Variants in IL7R observed in about 807,000 individuals in gnomAD.
The protein encoded by IL7R is interleukin-7 receptor subunit alpha.
Under a neutral mutation model 47.0 loss-of-function variants are expected in IL7R, and 38 were observed. That is an observed-to-expected ratio of 0.81 (90% confidence interval 0.62 to 1.06). IL7R has a LOEUF of 1.06. IL7R is among the 50% of genes least tolerant of loss of function. The pLI, the probability that IL7R is intolerant of heterozygous loss-of-function variation, is 0.00. For missense variants in IL7R, 633 were observed against 534.8 expected (o/e 1.18, Z -1.81); for synonymous variants, 221 against 199.8 (o/e 1.11, Z -0.89).
intron 2 of IL7R, among the ~76,000 whole-genome samples, chr5:35,863,252 T>C (rs1031036719): frequency 3.3e-5 from 5 of 152,160 alleles, no homozygotes; most frequent in African/African-American, 1.2e-4. Context: ...AACTTAACAT[T>C]TCTTCACCAA....
Position 35,876,608 on chromosome 5 carries a change from G to C in IL7R, c.*122G>C, listed in dbSNP as rs1760224661. The C allele has an allele frequency of 9.9e-7, 1 of 1,008,974 alleles. No homozygotes were observed. The highest frequency in any genetic ancestry group is 1.9e-5 in the Admixed American group (1 of 51,596). The allele number at this position is 1,008,974 out of a possible 1,614,324, so 62.5% of individuals were successfully genotyped here. ...AAAATTAGCAAAACCCCACTACACA[G>C]TCTGCAAGATTCTGAAACATTGCTT... On this transcript the variant is annotated 3_prime_UTR_variant, in exon 8 of 8. Coordinates refer to ENST00000303115, the MANE Select transcript of IL7R (RefSeq NM_002185.5).
chr5:35,870,957 A>G (rs553826642), intron 3 of IL7R, 99 bp from the exon 4 acceptor site: 3 of 1,081,182 alleles, frequency 2.8e-6, no homozygotes, highest in African/African-American at 1.6e-5. Flanking sequence ...TACTGACACA[A>G]AAAGGGTCAA....
chr5:35,869,063 G>A (rs753910735), intron 3 of IL7R, among the ~76,000 whole-genome samples: 3 of 152,154 alleles, frequency 2.0e-5, no homozygotes, highest in Non-Finnish European at 2.9e-5. Flanking sequence ...AAGAGAGGTG[G>A]TGGAGGCATG....
Position 35,873,585 on chromosome 5 carries a change from G to T in IL7R, c.643G>T (p.Gly215Cys). ...ATCCATCCCTGATCACTATTTTAAAGGCTTCTGGAGTGAATGGAGTCCAAG... is the reference window on the plus strand; with the variant it reads ...ATCCATCCCTGATCACTATTTTAAATGCTTCTGGAGTGAATGGAGTCCAAG... ...VRSIPDHYFKGFWSEWSPSYY... is the reference protein window; with the variant it reads ...VRSIPDHYFKCFWSEWSPSYY... The change falls in exon 5 of 8, where the codon GGC becomes TGC. Residue 215 changes from glycine to cysteine, a missense_variant. Physicochemically the swap from Gly to Cys is radical, Grantham distance 159. Transcript: ENST00000303115. The T allele has an allele frequency of 6.2e-7, 1 of 1,613,994 alleles. No individual in the cohort carries two copies. The highest frequency in any genetic ancestry group is 8.5e-7 in the Non-Finnish European group (1 of 1,179,856).
chr5:35,874,883 T>C (rs1325998958), intron 6 of IL7R, among the ~76,000 whole-genome samples: 1 of 152,216 alleles, frequency 6.6e-6, no homozygotes, highest in Non-Finnish European at 1.5e-5. Context: ...TATAAATTCA[T>C]GGGATTTTTT....
chr5:35,870,847 CCTCA>C (rs962701656), intron 3 of IL7R, among the ~76,000 whole-genome samples: 1 of 152,146 alleles, frequency 6.6e-6, no homozygotes, highest in Admixed American at 6.5e-5. Context: ...CTTCTGCCCA[CCTCA>C]CTCACAAGGC....
chr5:35,868,620 T>C (rs1404694570), intron 3 of IL7R, among the ~76,000 whole-genome samples: 1 of 152,212 alleles, frequency 6.6e-6, no homozygotes, highest in East Asian at 1.9e-4. Flanking sequence ...TTCTGATCAT[T>C]TGGAGATGAG....
intron 2 of IL7R, among the ~76,000 whole-genome samples, chr5:35,865,452 T>G (rs1759917224): frequency 6.6e-6 from 1 of 152,224 alleles, no homozygotes; most frequent in Non-Finnish European, 1.5e-5. Flanking sequence ...CAGCATGATT[T>G]ATACTCCTTT....
intron 1 of IL7R, among the ~76,000 whole-genome samples, chr5:35,859,807 G>C (rs1001763066): frequency 2.6e-5 from 4 of 152,216 alleles, no homozygotes; most frequent in African/African-American, 9.6e-5. Flanking sequence ...AGCCTTGGAA[G>C]CATCTAATTT....
chr5:35,860,039 G>T (rs1759759473), intron 1 of IL7R, among the ~76,000 whole-genome samples: 1 of 150,972 alleles, frequency 6.6e-6, no homozygotes, highest in African/African-American at 2.4e-5. Flanking sequence ...TACTATGTGT[G>T]ACAGATCACA....
chr5:35,860,903 A>G lies in IL7R; in HGVS notation c.134A>G (p.Gln45Arg). The change falls in exon 2 of 8, where the codon CAG becomes CGG. Residue 45 changes from glutamine (Q) to arginine (R), a missense_variant. Transcript: ENST00000303115. ...LDDYSFSCYS[Q>R]LEVNGSQHSL... The stretch of plus-strand genomic sequence containing the variant: ...GACTACTCATTCTCATGCTATAGCC[A>G]GTTGGAAGTGAATGGATCGCAGCAC... 6.2e-7 allele frequency: 1 copy of G among 1,613,632 alleles called. No individual in the cohort carries two copies. Among genetic ancestry groups the G allele is most frequent in the Non-Finnish European group, 8.5e-7 (1 of 1,179,568 alleles).
At chr5:35,871,354 G>T (rs1198121476) in intron 4 of IL7R, 141 bp downstream of exon 4, 1 of 673,898 alleles carries the variant, frequency 1.5e-6, no homozygotes, top group Non-Finnish European at 2.6e-6. Context: ...TCCCAATATT[G>T]GCCCCATGAA....
intron 1 of IL7R, among the ~76,000 whole-genome samples, chr5:35,858,962 C>T (rs1243740926): frequency 6.6e-6 from 1 of 152,184 alleles, no homozygotes; most frequent in Non-Finnish European, 1.5e-5. Context: ...ATTAACTACT[C>T]TTAGCCAAGA....
chr5:35,879,232 C>T lies in IL7R; in HGVS notation c.*2746C>T, dbSNP rs962891724. The T allele has an allele frequency of 4.3e-6, 1 of 233,034 alleles. No homozygotes were observed. 14.4% of individuals were successfully genotyped at this position (233,034 alleles called of 1,614,324 possible). A position where few individuals can be genotyped will look rare whatever the true frequency, so the allele number is the denominator to read the frequency against. On this transcript the variant is annotated 3_prime_UTR_variant, in exon 8 of 8. Coordinates refer to ENST00000303115, the MANE Select transcript of IL7R (RefSeq NM_002185.5). ...CCAGGCTGATTCAGCTGATTTCCTA[C>T]CAGCCTTTGCCTCTTCCTTCAATGT...
In IL7R at chr5:35,876,459, C is replaced by T. The variant is rs201947153; in HGVS notation, c.1353C>T (p.Thr451=). The T allele has an allele frequency of 1.2e-6, 2 of 1,604,798 alleles. No homozygotes were observed. ...CAAATCAAGAAGAAGCATATGTCAC[C>T]ATGTCCAGCTTCTACCAAAACCAGT... ...LGSNQEEAYV[T]MSSFYQNQ is the part of the protein sequence containing the mutation. The change falls in exon 8 of 8, where the codon ACC becomes ACT. Residue 451 remains threonine (T), a synonymous_variant. Coordinates refer to ENST00000303115, the MANE Select transcript of IL7R (RefSeq NM_002185.5).
At chr5:35,869,736 G>A (rs887244895) in intron 3 of IL7R, among the ~76,000 whole-genome samples, 8 of 152,192 alleles carry the variant, frequency 5.3e-5, no homozygotes, top group African/African-American at 1.7e-4. Flanking sequence ...GCAGGAACAA[G>A]AGAGAGGGGC....
Position 35,878,328 on chromosome 5 carries a change from A to G in IL7R, c.*1842A>G, listed in dbSNP as rs1400124872. 4.3e-6 allele frequency: 1 copy of G among 233,168 alleles called. No individual in the cohort carries two copies. The highest frequency in any genetic ancestry group is 8.5e-6 in the Non-Finnish European group (1 of 118,048). 14.4% of individuals were successfully genotyped at this position (233,168 alleles called of 1,614,324 possible). On this transcript the variant is annotated 3_prime_UTR_variant, in exon 8 of 8. Transcript: ENST00000303115. ...TAGGCATTTATGGAAAGCCTGCTAC[A>G]TGTCAATCATACTGTTAGGCACAGG... is the stretch of plus-strand genomic sequence containing the variant.
intron 6 of IL7R, 139 bp from the exon 7 acceptor site, chr5:35,875,373 C>A: frequency 1.4e-6 from 1 of 725,002 alleles, no homozygotes; most frequent in Non-Finnish European, 2.5e-6. Flanking sequence ...AGTCTCTTGA[C>A]CATGGTCACC....
chr5:35,864,571 G>T (rs571307319), intron 2 of IL7R, among the ~76,000 whole-genome samples: 1 of 152,204 alleles, frequency 6.6e-6, no homozygotes, highest in South Asian at 2.1e-4. Context: ...ATTCGCATTT[G>T]TCAAATAACA....
Sources: gnomAD v4.1 joint callset for allele counts (sites outside exome capture counted in the v4.1 genomes callset) on GRCh38, gnomAD v4.1.1 for gene constraint, MANE v1.5 for transcripts, NCBI Gene and HGNC (gene_info 2026-07-23, HGNC 2026-07-21) for gene names.